The following SCN1A variants were observed in gnomAD, a reference collection of about 807,000 sequenced individuals.
The protein encoded by SCN1A is sodium channel protein type 1 subunit alpha.
SCN1A carries 13 observed loss-of-function variants against 193.7 expected under a neutral mutation model. The observed-to-expected ratio is 0.07, with a 90% CI of 0.04 to 0.11. The LOEUF is 0.11. Among genes scored for constraint, SCN1A ranks in the 10% least tolerant of loss-of-function variants. The pLI, the probability that SCN1A is intolerant of heterozygous loss-of-function variation, is 1.00. For synonymous variants in SCN1A, 781 were observed against 843.6 expected (o/e 0.93, Z 1.29); for missense variants, 1,432 against 2,451.1 (o/e 0.58, Z 8.78).
chr2:166,093,875 C>T (rs895737615), intron 2 of SCN1A, among the ~76,000 whole-genome samples: 11 of 152,074 alleles, frequency 7.2e-5, no homozygotes, highest in African/African-American at 1.9e-4. Context: ...GATTTAAATC[C>T]GGGTCTAATC....
At chr2:166,143,056 C>T (rs10201324) in intron 1 of SCN1A, among the ~76,000 whole-genome samples, 122,871 of 151,724 alleles carry the variant, frequency 0.81, 50,242 homozygotes, top group African/African-American at 0.94. Context: ...AGCACAAAAA[C>T]GGACTAATAC....
Position 165,990,420 on chromosome 2 carries a change from A to C in SCN1A, c.*825T>G, listed in dbSNP as rs1688974958. Reference sequence around the variant, plus strand: ...TGGAGGGTGAGGGGCAATATTCACTATTCAGGTTTTTTTTTTAATACAACA... The same window carrying C: ...TGGAGGGTGAGGGGCAATATTCACTCTTCAGGTTTTTTTTTTAATACAACA... On this transcript the variant is annotated 3_prime_UTR_variant, in exon 29 of 29. Coordinates refer to ENST00000674923, the MANE Select transcript of SCN1A (RefSeq NM_001165963.4). 1 of 152,386 alleles carries C rather than the reference A, an allele frequency of 6.6e-6. No homozygotes were observed. Among genetic ancestry groups the C allele is most frequent in the African/African-American group, 2.4e-5 (1 of 41,384 alleles). The allele number at this position is 152,386 out of a possible 1,614,324, so 9.4% of individuals were successfully genotyped here.
At chr2:166,106,031 C>T (rs1447122848) in intron 2 of SCN1A, among the ~76,000 whole-genome samples, 1 of 152,010 alleles carries the variant, frequency 6.6e-6, no homozygotes, top group African/African-American at 2.4e-5. Flanking sequence ...ACTAAAAATA[C>T]AAAAAATGAG....
At chr2:166,099,463 G>GCCCT (rs1687783809) in intron 2 of SCN1A, among the ~76,000 whole-genome samples, 1 of 83,102 alleles carries the variant, frequency 1.2e-5, no homozygotes, top group Non-Finnish European at 2.8e-5. Context: ...AGGCAGGGAT[G>GCCCT]CCCTCTCTCA....
chr2:166,127,303 A>G (rs1359342773), intron 1 of SCN1A, among the ~76,000 whole-genome samples: 2 of 152,216 alleles, frequency 1.3e-5, no homozygotes, highest in African/African-American at 2.4e-5. Flanking sequence ...AGGCTCCAGC[A>G]GCAGCCCCGC....
At chr2:166,139,041 T>G (rs1691976963) in intron 1 of SCN1A, among the ~76,000 whole-genome samples, 1 of 152,190 alleles carries the variant, frequency 6.6e-6, no homozygotes, top group South Asian at 2.1e-4. Flanking sequence ...TTTGGCCAAT[T>G]TCTCCCATTT....
At chr2:166,129,915 C>T (rs17745393), upstream of SCN1A, among the ~76,000 whole-genome samples, 360 of 152,192 alleles carry the variant, frequency 2.4e-3, 1 homozygote, top group Middle Eastern at 3.4e-3. Context: ...AGGGTATCTA[C>T]GCAGCTGACC....
chr2:166,117,643 C>T (rs1389440748), intron 2 of SCN1A, among the ~76,000 whole-genome samples: 1 of 152,160 alleles, frequency 6.6e-6, no homozygotes, highest in Admixed American at 6.5e-5. Context: ...TTTAAAAAGT[C>T]TCAAGGGAAT....
At chr2:166,038,180 T>C (rs1253633147) in intron 17 of SCN1A, 48 bp from the exon 18 acceptor site, 10 of 1,376,386 alleles carry the variant, frequency 7.3e-6, no homozygotes, top group African/African-American at 2.9e-5. Context: ...TTAAAAGCAT[T>C]ATATATATTG....
chr2:165,992,324 T>G lies in SCN1A; in HGVS notation c.4951A>C (p.Lys1651Gln). 6.2e-7 allele frequency: 1 copy of G among 1,613,744 alleles called. No homozygotes were observed. Among genetic ancestry groups the G allele is most frequent in the Non-Finnish European group, 8.5e-7 (1 of 1,179,832 alleles). The stretch of plus-strand genomic sequence containing the variant: ...AGCGTGCGGATCCCCTTTGCTCCTT[T>G]GATCAGACGTAGGATTCGGCCAATC... ...ARIGRILRLI[K>Q]GAKGIRTLLF... The change falls in exon 29 of 29, where the codon AAA (lysine) becomes CAA (glutamine). Residue 1651 changes from lysine to glutamine, a missense_variant. By Grantham distance (53) the Lys-to-Gln change is moderately conservative. Transcript: ENST00000674923. This position sits in a 1 kb window ranked among gnomAD's most constrained non-coding sequence, Gnocchi z 6.5.
intron 23 of SCN1A, among the ~76,000 whole-genome samples, chr2:166,004,516 A>G (rs1392107224): frequency 6.6e-6 from 1 of 151,310 alleles, no homozygotes; most frequent in Non-Finnish European, 1.5e-5. Context: ...TCATACTTGC[A>G]CTGTCATCTG....
Position 165,998,273 on chromosome 2 carries a change from T to A in SCN1A, c.4339-98A>T. ...TAACAATAGAAAAAATTATTCTTAC[T>A]AATATGTCAGCATTTTTTTTTTTTC... On this transcript the variant is annotated intron_variant, in intron 25 of 28. Transcript: ENST00000674923. 4 of 1,036,934 alleles carry A rather than the reference T, an allele frequency of 3.9e-6. No individual in the cohort carries two copies. The South Asian group carries it at 6.4e-5, about 17-fold the overall frequency. 64.2% of individuals were successfully genotyped at this position (1,036,934 alleles called of 1,614,324 possible). A position where few individuals can be genotyped will look rare whatever the true frequency, so the allele number is the denominator to read the frequency against.
chr2:166,098,494 G>A (rs1240966830), intron 2 of SCN1A, among the ~76,000 whole-genome samples: 2 of 152,116 alleles, frequency 1.3e-5, no homozygotes, highest in African/African-American at 4.8e-5. Flanking sequence ...AATGCTGGAA[G>A]TCCTAGCCAG....
chr2:166,041,586 A>G, intron 15 of SCN1A, 117 bp from the exon 16 acceptor site: 1 of 758,684 alleles, frequency 1.3e-6, no homozygotes, highest in Non-Finnish European at 2.2e-6. Context: ...TACAGAGACA[A>G]CCTTTTTTGT....
intron 2 of SCN1A, among the ~76,000 whole-genome samples, chr2:166,088,622 C>T (rs1686412577): frequency 6.6e-6 from 1 of 152,168 alleles, no homozygotes; most frequent in Admixed American, 6.5e-5. Flanking sequence ...AAAGCCTATG[C>T]TCAAATTATA....
At chr2:166,066,149 G>T (rs1683817367) in intron 4 of SCN1A, among the ~76,000 whole-genome samples, 1 of 152,140 alleles carries the variant, frequency 6.6e-6, no homozygotes, top group South Asian at 2.1e-4. Flanking sequence ...GTAGGCTTTT[G>T]TCAGCCAAGG....
At chr2:166,078,354 GA>G (rs1439282369) in intron 2 of SCN1A, among the ~76,000 whole-genome samples, 1 of 149,120 alleles carries the variant, frequency 6.7e-6, no homozygotes. Context: ...TTAATTTAGG[GA>G]AAAAATTAAT....
chr2:166,078,313 A>G (rs1685173150), intron 2 of SCN1A, among the ~76,000 whole-genome samples: 1 of 151,220 alleles, frequency 6.6e-6, no homozygotes. Flanking sequence ...CCTATATACA[A>G]TACAGGTATA....
chr2:166,060,346 T>C (rs1379741542), intron 4 of SCN1A: 2 of 152,182 alleles, frequency 1.3e-5, no homozygotes, highest in African/African-American at 4.8e-5. Context: ...CTCTGATTCA[T>C]TGAGGGATTC....
Sources: gnomAD v4.1 joint callset for allele counts (sites outside exome capture counted in the v4.1 genomes callset) on GRCh38, gnomAD v4.1.1 for gene constraint, Gnocchi (gnomAD v3.1) non-coding constraint, MANE v1.5 for transcripts, NCBI Gene and HGNC (gene_info 2026-07-23, HGNC 2026-07-21) for gene names.